SLCO6A1: variants seen among roughly 807,000 people sequenced by gnomAD.
The protein encoded by SLCO6A1 is solute carrier organic anion transporter family member 6A1.
Under a neutral mutation model 72.7 loss-of-function variants are expected in SLCO6A1, and 65 were observed. The observed-to-expected ratio is 0.89, with a 90% CI of 0.73 to 1.10. SLCO6A1 has a LOEUF of 1.10. Among genes scored for constraint, SLCO6A1 ranks in the 50% least tolerant of loss-of-function variants. The probability of loss-of-function intolerance (pLI) is 0.00; values close to 1 mark genes in which losing one functional copy is unlikely to be tolerated. For missense variants in SLCO6A1, 874 were observed against 872.6 expected, an observed-to-expected ratio of 1.00 and a Z score of -0.02; for synonymous variants, 314 against 298.2, an observed-to-expected ratio of 1.05 and a Z score of -0.55.
chr5:102,478,222 C>G (rs1752011328), intron 2 of SLCO6A1, among the ~76,000 whole-genome samples: 1 of 151,960 alleles, frequency 6.6e-6, no homozygotes, highest in Admixed American at 6.6e-5. Flanking sequence ...TATTATAAAC[C>G]AAAACATAAA....
intron 13 of SLCO6A1, among the ~76,000 whole-genome samples, chr5:102,372,462 G>A (rs780852693): frequency 2.0e-5 from 3 of 151,674 alleles, no homozygotes; most frequent in African/African-American, 2.4e-5. Context: ...ATCTAATTTC[G>A]ATTGATGTAC....
intron 12 of SLCO6A1, among the ~76,000 whole-genome samples, chr5:102,385,104 C>T (rs146769500): frequency 6.6e-6 from 1 of 152,064 alleles, no homozygotes; most frequent in Admixed American, 6.6e-5. Context: ...TCTTGGCTGG[C>T]AGTTTCTTTC....
Position 102,469,514 on chromosome 5 carries a change from C to A in SLCO6A1, c.899+6183G>T, listed in dbSNP as rs375968315. 3.9e-5 allele frequency among the ~76,000 whole-genome samples: 6 copies of A among 152,184 alleles called. 1 individual carries two copies. The East Asian group carries it at 1.2e-3, about 29-fold the overall frequency. On this transcript the variant is annotated intron_variant, in intron 4 of 13. Transcript: ENST00000506729. ...GATTTTTGCACATTGATTTTGTATC[C>A]TGAGACTTTGCTGAAGTTGCTTATC...
At chr5:102,469,039 A>T (rs889652339) in intron 4 of SLCO6A1, among the ~76,000 whole-genome samples, 3 of 152,100 alleles carry the variant, frequency 2.0e-5, no homozygotes, top group Non-Finnish European at 4.4e-5. Context: ...TGGTACCAGT[A>T]CCATGCTGTT....
chr5:102,430,305 T>C lies in SLCO6A1; in HGVS notation c.1276+8312A>G, dbSNP rs563346753. On this transcript the variant is annotated intron_variant, in intron 7 of 13. Transcript: ENST00000506729. ...GTAGATGCCCTTCATTTCTTTCTCT[T>C]GTCTGATTGTTCTGGGCTGGACTTC... is the stretch of plus-strand genomic sequence containing the variant. Among the ~76,000 whole-genome samples the C allele has an allele frequency of 3.9e-5, 6 of 152,278 alleles. No individual in the cohort carries two copies. The South Asian group carries it at 8.3e-4, about 21-fold the overall frequency.
intron 1 of SLCO6A1, among the ~76,000 whole-genome samples, chr5:102,488,165 A>G (rs1752523960): frequency 6.6e-6 from 1 of 152,222 alleles, no homozygotes; most frequent in Non-Finnish European, 1.5e-5. Context: ...TTATAATGAT[A>G]AAGAGTATAA....
chr5:102,480,941 C>A (rs901315979), intron 1 of SLCO6A1, among the ~76,000 whole-genome samples: 4 of 151,808 alleles, frequency 2.6e-5, no homozygotes, highest in African/African-American at 9.7e-5. Context: ...TACATATGTC[C>A]TTAGACAATA....
intron 12 of SLCO6A1, among the ~76,000 whole-genome samples, chr5:102,383,095 A>ATGTATATATAT (rs1554064835): frequency 7.8e-6 from 1 of 128,572 alleles, no homozygotes; most frequent in Non-Finnish European, 1.7e-5. Context: ...TATGTGTGTG[A>ATGTATATATAT]ATATATATAT....
intron 3 of SLCO6A1, among the ~76,000 whole-genome samples, chr5:102,477,164 T>C (rs892999497): frequency 1.3e-5 from 2 of 152,162 alleles, no homozygotes; most frequent in Admixed American, 6.6e-5. Flanking sequence ...TCTTGCTCTG[T>C]CACCCAGGCA....
intron 4 of SLCO6A1, among the ~76,000 whole-genome samples, chr5:102,466,550 T>A (rs762904281): frequency 6.6e-6 from 1 of 152,186 alleles, no homozygotes; most frequent in Non-Finnish European, 1.5e-5. Flanking sequence ...GTAATAGGAT[T>A]GCTAGGCTGA....
At chr5:102,391,825 T>C (rs1746776929) in intron 10 of SLCO6A1, among the ~76,000 whole-genome samples, 1 of 149,392 alleles carries the variant, frequency 6.7e-6, no homozygotes, top group African/African-American at 2.5e-5. Flanking sequence ...ATTTAAAAGC[T>C]AAAATAAATG....
intron 1 of SLCO6A1, among the ~76,000 whole-genome samples, chr5:102,495,058 T>TA (rs1447881321): frequency 1.3e-5 from 2 of 151,994 alleles, no homozygotes; most frequent in Admixed American, 6.6e-5. Flanking sequence ...CTATTCACAA[T>TA]AAAAAAGAGC....
At chr5:102,430,787 A>G (rs1749173717) in intron 7 of SLCO6A1, among the ~76,000 whole-genome samples, 1 of 152,076 alleles carries the variant, frequency 6.6e-6, no homozygotes, top group Admixed American at 6.6e-5. Flanking sequence ...AGGTTTTGGT[A>G]TCAGGATGAT....
intron 9 of SLCO6A1, among the ~76,000 whole-genome samples, chr5:102,410,869 G>A (rs1747936481): frequency 6.6e-6 from 1 of 152,144 alleles, no homozygotes. Flanking sequence ...AAGCATACAA[G>A]TTAGGGTGAC....
chr5:102,388,935 T>G (rs1217178259), intron 11 of SLCO6A1, 110 bp from the exon 12 acceptor site: 1 of 928,500 alleles, frequency 1.1e-6, no homozygotes, highest in Admixed American at 3.6e-5. Context: ...TCAAAACATA[T>G]CACTTAAAAT....
Position 102,419,817 on chromosome 5 carries a change from T to C in SLCO6A1, c.1472+9A>G. The C allele has an allele frequency of 6.3e-7, 1 of 1,581,792 alleles. No homozygotes were observed. Among genetic ancestry groups the C allele is most frequent in the Non-Finnish European group, 8.5e-7 (1 of 1,170,438 alleles). ...GATGTAAAAGTCTAATATACAAGAC[T>C]ACATTTACCCATCATAATCTTCATT... On this transcript the variant is annotated intron_variant, in intron 8 of 13. Coordinates refer to ENST00000506729, the MANE Select transcript of SLCO6A1 (RefSeq NM_173488.5).
intron 13 of SLCO6A1, among the ~76,000 whole-genome samples, 193 bp from the exon 14 acceptor site, chr5:102,372,316 C>G (rs2112455307): frequency 6.6e-6 from 1 of 152,134 alleles, no homozygotes; most frequent in East Asian, 1.9e-4. Flanking sequence ...GTCTACCCAT[C>G]CACATAGGGT....
intron 6 of SLCO6A1, among the ~76,000 whole-genome samples, chr5:102,442,568 G>A (rs1388578111): frequency 6.6e-6 from 1 of 152,130 alleles, no homozygotes; most frequent in Non-Finnish European, 1.5e-5. Flanking sequence ...ACTTTAGCGT[G>A]CCTTGAATTA....
At chr5:102,476,566 A>T (rs915934596) in intron 3 of SLCO6A1, among the ~76,000 whole-genome samples, 1 of 152,252 alleles carries the variant, frequency 6.6e-6, no homozygotes, top group African/African-American at 2.4e-5. Flanking sequence ...TGTCTTTACA[A>T]CTAGGTGTCA....
Sources: gnomAD v4.1 joint callset for allele counts (sites outside exome capture counted in the v4.1 genomes callset) on GRCh38, gnomAD v4.1.1 for gene constraint, MANE v1.5 for transcripts, NCBI Gene and HGNC (gene_info 2026-07-23, HGNC 2026-07-21) for gene names.